The following ACOXL variants were observed in gnomAD, a reference collection of about 807,000 sequenced individuals.
ACOXL encodes acyl-coenzyme A oxidase-like protein.
A neutral mutation model predicts 71.9 loss-of-function variants in ACOXL; 70 were observed. The observed-to-expected ratio is 0.97, with a 90% CI of 0.80 to 1.19. The LOEUF (loss-of-function observed/expected upper bound fraction) is 1.19, where lower values mean the gene tolerates loss of function less well. Among genes scored for constraint, ACOXL ranks in the 50% most tolerant of loss-of-function variants. ACOXL has a pLI of 0.00. For missense variants in ACOXL, 703 were observed against 736.3 expected (o/e 0.95, Z 0.52); for synonymous variants, 253 against 281.6 (o/e 0.90, Z 1.02).
intron 1 of ACOXL, among the ~76,000 whole-genome samples, chr2:110,763,054 G>T (rs1680604920): frequency 6.6e-6 from 1 of 152,130 alleles, no homozygotes; most frequent in South Asian, 2.1e-4. Flanking sequence ...AAAAAGTCAT[G>T]AATGAAAAAA....
At chr2:110,745,789 T>G (rs1280650004) in intron 1 of ACOXL, among the ~76,000 whole-genome samples, 1 of 152,248 alleles carries the variant, frequency 6.6e-6, no homozygotes, top group Non-Finnish European at 1.5e-5. Context: ...TCCTCACTGC[T>G]TCTGAAAGTG....
At chr2:110,907,893 A>C (rs1411492042) in intron 10 of ACOXL, among the ~76,000 whole-genome samples, 2 of 152,254 alleles carry the variant, frequency 1.3e-5, no homozygotes, top group Admixed American at 6.5e-5. Flanking sequence ...TGGTTGATGG[A>C]TGTTCTCACC....
chr2:110,797,244 TTCCTGCTTC>T, intron 5 of ACOXL, among the ~76,000 whole-genome samples: 1 of 152,368 alleles, frequency 6.6e-6, no homozygotes. Flanking sequence ...CTGCGTTTTC[TTCCTGCTTC>T]TTCATGACCA....
chr2:111,111,888 C>CA (rs1363710104), intron 17 of ACOXL, among the ~76,000 whole-genome samples: 5 of 152,212 alleles, frequency 3.3e-5, no homozygotes, highest in Non-Finnish European at 5.9e-5. Context: ...GTGGCAATGT[C>CA]AGAGTTCAAA....
chr2:110,840,121 G>C (rs1349032000), intron 9 of ACOXL, among the ~76,000 whole-genome samples: 1 of 152,080 alleles, frequency 6.6e-6, no homozygotes, highest in East Asian at 1.9e-4. Flanking sequence ...CTCCTGAGTA[G>C]CCGGGATTAC....
At chr2:110,889,532 C>T (rs1697697561) in intron 10 of ACOXL, among the ~76,000 whole-genome samples, 1 of 152,128 alleles carries the variant, frequency 6.6e-6, no homozygotes, top group African/African-American at 2.4e-5. Flanking sequence ...AGAACAAATC[C>T]ACTTTCTGTC....
chr2:111,060,582 T>C (rs80351036), intron 16 of ACOXL, among the ~76,000 whole-genome samples: 2,552 of 152,244 alleles, frequency 0.017, 61 homozygotes, highest in African/African-American at 0.051. Context: ...CATCATAGAA[T>C]ACCAAAATGC....
intron 5 of ACOXL, among the ~76,000 whole-genome samples, chr2:110,796,344 G>T (rs921358776): frequency 1.3e-5 from 2 of 152,134 alleles, no homozygotes; most frequent in African/African-American, 4.8e-5. Flanking sequence ...CTGGCCAAAG[G>T]CATCATTTTT....
At chr2:110,840,020 C>T (rs12991206) in intron 9 of ACOXL, among the ~76,000 whole-genome samples, 2,870 of 75,444 alleles carry the variant, frequency 0.038, 48 homozygotes, top group Middle Eastern at 0.071. Context: ...GACGGAGTCT[C>T]ACTCTGTCAC....
intron 12 of ACOXL, among the ~76,000 whole-genome samples, chr2:110,937,475 G>A (rs1023725826): frequency 1.3e-5 from 2 of 152,134 alleles, no homozygotes; most frequent in African/African-American, 2.4e-5. Context: ...ACAGTATCAC[G>A]GCCCTGATTT....
intron 13 of ACOXL, among the ~76,000 whole-genome samples, chr2:110,995,344 AC>A (rs2063343308): frequency 6.6e-6 from 1 of 151,044 alleles, no homozygotes; most frequent in African/African-American, 2.4e-5. Flanking sequence ...TACTAAAAAT[AC>A]AAAAATTAGC....
chr2:110,983,121 A>T (rs1186672984), intron 12 of ACOXL, among the ~76,000 whole-genome samples: 2 of 152,144 alleles, frequency 1.3e-5, no homozygotes, highest in South Asian at 4.1e-4. Context: ...ATCTGGTGGG[A>T]TCTCCTTGGA....
intron 11 of ACOXL, among the ~76,000 whole-genome samples, chr2:110,925,983 A>G (rs540329217): frequency 1.8e-4 from 27 of 151,192 alleles, no homozygotes; most frequent in African/African-American, 6.1e-4. Context: ...GTTGTGTCTC[A>G]GGGAATAGAG....
At chr2:110,843,261 G>C (rs1559333797) in intron 10 of ACOXL, among the ~76,000 whole-genome samples, 2 of 152,144 alleles carry the variant, frequency 1.3e-5, no homozygotes, top group Admixed American at 6.5e-5. Context: ...CTCAAGCAGT[G>C]CTTCTGCCTT....
intron 17 of ACOXL, among the ~76,000 whole-genome samples, chr2:111,116,817 T>TA (rs3833442): frequency 0.17 from 24,095 of 145,598 alleles, 2,337 homozygotes; most frequent in African/African-American, 0.28. Context: ...TTCCTGAAAA[T>TA]AAAAAAAAAA....
At chr2:111,021,194 A>G (rs2064742124) in intron 14 of ACOXL, among the ~76,000 whole-genome samples, 1 of 152,068 alleles carries the variant, frequency 6.6e-6, no homozygotes. Flanking sequence ...GGGCCAGTGG[A>G]GGAAAGCACC....
intron 14 of ACOXL, among the ~76,000 whole-genome samples, chr2:111,001,810 G>A (rs1203121623): frequency 6.6e-6 from 1 of 152,134 alleles, no homozygotes; most frequent in Non-Finnish European, 1.5e-5. Flanking sequence ...AGGGGATTCT[G>A]GACTGTGAGC....
chr2:110,814,516 C>G (rs1366278414), intron 9 of ACOXL, among the ~76,000 whole-genome samples: 1 of 151,860 alleles, frequency 6.6e-6, no homozygotes, highest in East Asian at 1.9e-4. Context: ...TTTACAATTC[C>G]TTAGATAAAT....
chr2:111,052,645 G>T (rs2066350150), intron 16 of ACOXL, among the ~76,000 whole-genome samples: 1 of 152,174 alleles, frequency 6.6e-6, no homozygotes, highest in Non-Finnish European at 1.5e-5. Flanking sequence ...ATTTGACCCT[G>T]TTCGCGTTTG....
Sources: gnomAD v4.1 joint callset for allele counts (sites outside exome capture counted in the v4.1 genomes callset) on GRCh38, gnomAD v4.1.1 for gene constraint, MANE v1.5 for transcripts, NCBI Gene and HGNC (gene_info 2026-07-23, HGNC 2026-07-21) for gene names.